Variants in SS18 observed in about 807,000 individuals in gnomAD.
The protein encoded by SS18 is protein SSXT.
In SS18, 28 loss-of-function variants were observed where a neutral mutation model predicts 72.5. That is an observed-to-expected ratio of 0.39 (90% CI 0.29 to 0.53). The LOEUF (loss-of-function observed/expected upper bound fraction) is 0.53, where lower values mean the gene tolerates loss of function less well. Among genes scored for constraint, SS18 ranks in the 20% least tolerant of loss-of-function variants. SS18 has a pLI of 0.76. For synonymous variants in SS18, 172 were observed against 164.2 expected (o/e 1.05, Z -0.37); for missense variants, 518 against 535.3 (o/e 0.97, Z 0.32).
chr18:26,085,854 G>C (rs1372629071), intron 2 of SS18: 1 of 152,116 alleles, frequency 6.6e-6, no homozygotes, highest in Non-Finnish European at 1.5e-5. Flanking sequence ...GACAGCAAGA[G>C]ACCAATACAA....
Position 26,065,800 on chromosome 18 carries a change from C to CATATATATATATATATATATATATAT in SS18, c.232-8059_232-8058insATATATATATATATATATATATATAT, listed in dbSNP as rs58222135. On this transcript the variant is annotated intron_variant, in intron 3 of 10. Transcript: ENST00000415083. ...AATATATAAAGAATGCCTACAAATC[C>CATATATATATATATATATATATATAT]ATATATATATATATATATATATATG... 3.3e-3 allele frequency among the ~76,000 whole-genome samples: 182 copies of CATATATATATATATATATATATATAT among 55,538 alleles called. 30 individuals are homozygous for CATATATATATATATATATATATATAT. Among genetic ancestry groups the CATATATATATATATATATATATATAT allele is most frequent in the Middle Eastern group, 0.02 (1 of 50 alleles). The allele number at this position is 55,538 out of a possible 152,430, so 36.4% of individuals were successfully genotyped here. A position where few individuals can be genotyped will look rare whatever the true frequency, so the allele number is the denominator to read the frequency against.
intron 3 of SS18, among the ~76,000 whole-genome samples, chr18:26,066,923 C>A (rs1369632706): frequency 2.6e-5 from 4 of 152,088 alleles, no homozygotes; most frequent in African/African-American, 9.7e-5. Context: ...CAAATGTACT[C>A]TGAATACAAA....
chr18:26,065,346 C>T (rs2054193374), intron 3 of SS18, among the ~76,000 whole-genome samples: 1 of 152,040 alleles, frequency 6.6e-6, no homozygotes, highest in African/African-American at 2.4e-5. Context: ...ATTAATACAA[C>T]GACAGACAAA....
chr18:26,088,468 C>T (rs183159705), intron 1 of SS18, among the ~76,000 whole-genome samples: 2 of 152,162 alleles, frequency 1.3e-5, no homozygotes, highest in Non-Finnish European at 2.9e-5. Context: ...ATATTTGTTA[C>T]AGACTTTATG....
rs147003120 is a variant in SS18, at chr18:26,037,419, C to T, written c.880+1136G>A. On this transcript the variant is annotated intron_variant, in intron 7 of 10. Coordinates refer to ENST00000415083, the MANE Select transcript of SS18 (RefSeq NM_001007559.3). The stretch of plus-strand genomic sequence containing the variant: ...ATATAATTTAACAAAGTAGATTTCA[C>T]GTCTTTAAAATACGTAGAGTCTACA... 4.3e-4 allele frequency among the ~76,000 whole-genome samples: 65 copies of T among 152,056 alleles called. No individual in the cohort carries two copies. The East Asian group carries it at 0.01, about 24-fold the overall frequency.
chr18:26,053,917 T>C (rs2053966935), intron 4 of SS18, among the ~76,000 whole-genome samples: 1 of 152,154 alleles, frequency 6.6e-6, no homozygotes, highest in Non-Finnish European at 1.5e-5. Context: ...CTTGAGGAAA[T>C]TTGTGATGAC....
chr18:26,075,875 T>C (rs1358251321), intron 3 of SS18, among the ~76,000 whole-genome samples: 2 of 151,948 alleles, frequency 1.3e-5, no homozygotes, highest in Non-Finnish European at 2.9e-5. Flanking sequence ...TGAACAAGAA[T>C]GTGAGATTCA....
intron 3 of SS18, among the ~76,000 whole-genome samples, chr18:26,062,464 T>G (rs1342248391): frequency 6.6e-6 from 1 of 151,932 alleles, no homozygotes; most frequent in East Asian, 1.9e-4. Flanking sequence ...ATATGTAAAA[T>G]CAAATAGAAA....
intron 4 of SS18, among the ~76,000 whole-genome samples, chr18:26,053,593 T>C (rs2053961397): frequency 6.6e-6 from 1 of 150,538 alleles, no homozygotes; most frequent in Non-Finnish European, 1.5e-5. Context: ...ACCAAATTAA[T>C]TACTTAACAT....
intron 10 of SS18, among the ~76,000 whole-genome samples, chr18:26,023,174 G>A (rs1365036998): frequency 1.3e-5 from 2 of 152,022 alleles, no homozygotes; most frequent in Non-Finnish European, 2.9e-5. Flanking sequence ...ACAAAGGACA[G>A]AGAAAAAAAA....
chr18:26,035,489 C>T lies in SS18; in HGVS notation c.973+342G>A, dbSNP rs2053611660. 4 of 284,556 alleles carry T rather than the reference C, an allele frequency of 1.4e-5. No individual in the cohort carries two copies. In the Admixed American group the frequency reaches 1.9e-4, roughly 13 times the overall value. The allele number at this position is 284,556 out of a possible 1,614,324, so 17.6% of individuals were successfully genotyped here. On this transcript the variant is annotated intron_variant, in intron 8 of 10. Transcript: ENST00000415083. The surrounding 1 kb of genome is among the most constrained non-coding windows in gnomAD (Gnocchi z 4.4). Reference sequence around the variant, plus strand: ...CTACACGAGATCAGCAAGCTGTTTCCTAAAGGCACTATACTTATATGTAAA... The same window carrying T: ...CTACACGAGATCAGCAAGCTGTTTCTTAAAGGCACTATACTTATATGTAAA...
intron 3 of SS18, among the ~76,000 whole-genome samples, chr18:26,063,223 A>G (rs1204846860): frequency 6.7e-6 from 1 of 148,242 alleles, no homozygotes; most frequent in East Asian, 1.9e-4. Context: ...AGTGGAATTA[A>G]ATTAGAAATC....
At chr18:26,024,332 CT>C (rs1288659528) in intron 10 of SS18, among the ~76,000 whole-genome samples, 5 of 135,760 alleles carry the variant, frequency 3.7e-5, no homozygotes, top group African/African-American at 1.9e-4. Context: ...GATGGCTGCA[CT>C]TTTTTGGGGG....
At position 26,016,565 on chromosome 18, in the gene SS18, G is replaced by C. The variant is rs940764874; in HGVS notation, c.*1789C>G. 5.5e-6 allele frequency: 1 copy of C among 182,110 alleles called. No homozygotes were observed. The highest frequency in any genetic ancestry group is 2.4e-5 in the African/African-American group (1 of 42,480). The allele number at this position is 182,110 out of a possible 1,614,324, so 11.3% of individuals were successfully genotyped here. A position where few individuals can be genotyped will look rare whatever the true frequency, so the allele number is the denominator to read the frequency against. On this transcript the variant is annotated 3_prime_UTR_variant, in exon 11 of 11. Coordinates refer to ENST00000415083, the MANE Select transcript of SS18 (RefSeq NM_001007559.3). ...TGGCGAAACCTCGTCTCTACTAAAAGTACAAAAATTAGCTGGGTGTGGTGG... is the reference window on the plus strand; with the variant it reads ...TGGCGAAACCTCGTCTCTACTAAAACTACAAAAATTAGCTGGGTGTGGTGG...
At chr18:26,085,584 G>T (rs888426195) in intron 2 of SS18, among the ~76,000 whole-genome samples, 1 of 152,026 alleles carries the variant, frequency 6.6e-6, no homozygotes, top group Non-Finnish European at 1.5e-5. Flanking sequence ...CTATAAACGT[G>T]TATGCATAAA....
intron 4 of SS18, among the ~76,000 whole-genome samples, chr18:26,053,255 T>C (rs2053954692): frequency 6.6e-6 from 1 of 152,172 alleles, no homozygotes; most frequent in Non-Finnish European, 1.5e-5. Flanking sequence ...AATAGAAAAC[T>C]AATTCAGTAA....
intron 3 of SS18, among the ~76,000 whole-genome samples, chr18:26,066,345 T>G (rs1030706775): frequency 6.6e-6 from 1 of 152,104 alleles, no homozygotes; most frequent in African/African-American, 2.4e-5. Context: ...CTGCCAACTT[T>G]CATGTTTTTT....
At chr18:26,072,122 C>T (rs192355840) in intron 3 of SS18, among the ~76,000 whole-genome samples, 24 of 151,950 alleles carry the variant, frequency 1.6e-4, no homozygotes, top group Admixed American at 1.4e-3. Context: ...ACTTAAAATA[C>T]ATTACAACAA....
At chr18:26,066,988 T>A (rs958465926) in intron 3 of SS18, among the ~76,000 whole-genome samples, 5 of 152,226 alleles carry the variant, frequency 3.3e-5, no homozygotes, top group Admixed American at 1.3e-4. Flanking sequence ...TGTCTTTCAA[T>A]TATAGAATTT....
Sources: gnomAD v4.1 joint callset for allele counts (sites outside exome capture counted in the v4.1 genomes callset) on GRCh38, gnomAD v4.1.1 for gene constraint, Gnocchi (gnomAD v3.1) non-coding constraint, MANE v1.5 for transcripts, NCBI Gene and HGNC (gene_info 2026-07-23, HGNC 2026-07-21) for gene names.